The following DEPDC4 variants were observed in gnomAD, a reference collection of about 807,000 sequenced individuals.
The protein encoded by DEPDC4 is DEP domain containing 4.
Under a neutral mutation model 52.0 loss-of-function variants are expected in DEPDC4, and 52 were observed. The ratio of observed to expected loss-of-function variants is 1.00; its 90% CI spans 0.80 to 1.26. The LOEUF (loss-of-function observed/expected upper bound fraction) is 1.26, where lower values mean the gene tolerates loss of function less well. Ranked by LOEUF, DEPDC4 falls within the 50% of genes most tolerant of loss-of-function variation. The pLI is 0.00. For synonymous variants in DEPDC4, 201 were observed against 196.8 expected (o/e 1.02, Z -0.18); for missense variants, 530 against 546.9 (o/e 0.97, Z 0.31).
At chr12:100,243,896 A>G (rs2096171186) in intron 8 of DEPDC4, among the ~76,000 whole-genome samples, 1 of 151,624 alleles carries the variant, frequency 6.6e-6, no homozygotes, top group African/African-American at 2.4e-5. Context: ...CTTCCAATAC[A>G]TGGAACCCTC....
intron 8 of DEPDC4, among the ~76,000 whole-genome samples, chr12:100,244,091 C>G (rs781407206): frequency 0.094 from 3,308 of 35,012 alleles, 145 homozygotes; most frequent in African/African-American, 0.16. Flanking sequence ...CTCTCTCTCT[C>G]TGTGTATATA....
rs746742408 is a variant in DEPDC4, at chr12:100,252,507, C to T, written c.1135G>A (p.Ala379Thr). 1.2e-6 allele frequency: 2 copies of T among 1,606,168 alleles called. No homozygotes were observed. The highest frequency in any genetic ancestry group is 1.7e-6 in the Non-Finnish European group (2 of 1,178,562). The change falls in exon 6 of 10, where the codon GCA (alanine) becomes ACA (threonine). Residue 379 changes from alanine to threonine, a missense_variant. Coordinates refer to ENST00000550587, the MANE Select transcript of DEPDC4 (RefSeq NM_001364818.2). ...ENEKRAEALE[A>T]TQLYLRLLLL... ...AGCAATCTTAGATATAGTTGTGTTG[C>T]TTCAAGTGCTTCTGCTCTTTTCTCA...
At chr12:100,239,237 C>T (rs545173219), downstream of DEPDC4, among the ~76,000 whole-genome samples, 36 of 152,082 alleles carry the variant, frequency 2.4e-4, 1 homozygote, top group East Asian at 2.3e-3. Context: ...CCACCACACA[C>T]GCTAATTTTT....
chr12:100,241,802 C>A lies in DEPDC4; in HGVS notation c.*90G>T. On this transcript the variant is annotated 3_prime_UTR_variant, in exon 10 of 10. Coordinates refer to ENST00000550587, the MANE Select transcript of DEPDC4 (RefSeq NM_001364818.2). Reference sequence around the variant, plus strand: ...GATACTGAATTGTCCTTCCCTTCTGCTTTTCAAACTCCTTGTATGTCAAGG... The same window carrying A: ...GATACTGAATTGTCCTTCCCTTCTGATTTTCAAACTCCTTGTATGTCAAGG... The A allele has an allele frequency of 8.0e-7, 1 of 1,244,014 alleles. No homozygotes were observed. The highest frequency in any genetic ancestry group is 1.4e-5 in the South Asian group (1 of 71,888). The allele number at this position is 1,244,014 out of a possible 1,614,324, so 77.1% of individuals were successfully genotyped here. A position where few individuals can be genotyped will look rare whatever the true frequency, so the allele number is the denominator to read the frequency against.
At chr12:100,245,727 T>G (rs1002891664) in intron 8 of DEPDC4, among the ~76,000 whole-genome samples, 5 of 152,200 alleles carry the variant, frequency 3.3e-5, no homozygotes, top group African/African-American at 4.8e-5. Context: ...CAACCAGGAT[T>G]GCTTCCAGTC....
At chr12:100,274,820 G>C in the DEPDC4 span, among the ~76,000 whole-genome samples, 3,770 of 152,278 alleles carry the variant, frequency 0.025, 153 homozygotes, top group African/African-American at 0.085. Flanking sequence ...TTTGGAGAGC[G>C]ATAGGGCTTT....
downstream of DEPDC4, chr12:100,237,948 G>T: frequency 6.0e-6 from 2 of 335,954 alleles, no homozygotes; most frequent in Non-Finnish European, 8.4e-6. Flanking sequence ...CATTCATAGT[G>T]ATGACTAGCA....
At chr12:100,262,117 G>T in intron 3 of DEPDC4, 147 bp downstream of exon 3, 2 of 678,168 alleles carry the variant, frequency 2.9e-6, no homozygotes, top group Non-Finnish European at 4.8e-6. Flanking sequence ...TAATGGGGAA[G>T]GTTGTGTGTG....
At chr12:100,259,945 C>CT (rs563354954) in intron 3 of DEPDC4, among the ~76,000 whole-genome samples, 147 of 137,648 alleles carry the variant, frequency 1.1e-3, no homozygotes, top group Admixed American at 1.8e-3. Context: ...CCTCCTATGT[C>CT]TTTTTTTTTT....
At chr12:100,267,166 G>C, upstream of DEPDC4, 1 of 1,433,180 alleles carries the variant, frequency 7.0e-7, no homozygotes, top group Non-Finnish European at 9.5e-7. Flanking sequence ...CCCCCGGCCG[G>C]CAGGTCTTTT....
chr12:100,279,345 A>G, the DEPDC4 span, among the ~76,000 whole-genome samples: 1 of 152,206 alleles, frequency 6.6e-6, no homozygotes, highest in Admixed American at 6.5e-5. Context: ...TTAGGCAGTA[A>G]TGCTTGCTCG....
chr12:100,262,174 G>A (rs2096255730), intron 3 of DEPDC4, 90 bp downstream of exon 3: 1 of 1,302,686 alleles, frequency 7.7e-7, no homozygotes, highest in African/African-American at 1.5e-5. Flanking sequence ...GCTCTATTTT[G>A]CCGTGACCTT....
At chr12:100,275,938 CT>C in the DEPDC4 span, among the ~76,000 whole-genome samples, 1 of 151,968 alleles carries the variant, frequency 6.6e-6, no homozygotes, top group Non-Finnish European at 1.5e-5. Flanking sequence ...GATTATCTTG[CT>C]TTTTTTCATT....
rs1026676354 is a variant in DEPDC4, at chr12:100,240,707, A to G, written c.*1185T>C. On this transcript the variant is annotated 3_prime_UTR_variant, in exon 10 of 10. Transcript: ENST00000550587. ...AATATGGACTGAAGAAGAATTAGAG[A>G]GAGAAATCACAGTTTTGATGTTTAC... Among the ~76,000 whole-genome samples the G allele has an allele frequency of 2.0e-5, 3 of 152,232 alleles. No individual in the cohort carries two copies. The highest frequency in any genetic ancestry group is 6.5e-5 in the Admixed American group (1 of 15,282).
the DEPDC4 span, among the ~76,000 whole-genome samples, chr12:100,281,474 T>C: frequency 1.3e-5 from 2 of 152,066 alleles, no homozygotes; most frequent in African/African-American, 4.8e-5. Context: ...GAGGATCACT[T>C]GAGGCTAGGA....
intron 5 of DEPDC4, 141 bp from the exon 6 acceptor site, chr12:100,252,677 G>A: frequency 2.7e-6 from 2 of 728,334 alleles, no homozygotes; most frequent in Non-Finnish European, 4.1e-6. Flanking sequence ...TTTTTATTAT[G>A]GAATATTTCA....
rs773847545 is a variant in DEPDC4, at chr12:100,252,453, G to A, written c.1189C>T (p.Arg397Trp). The A allele has an allele frequency of 1.4e-5, 22 of 1,604,814 alleles. No homozygotes were observed. Among genetic ancestry groups the A allele is most frequent in the Admixed American group, 1.2e-4 (7 of 59,846 alleles). The change falls in exon 6 of 10, where the codon CGG (arginine) becomes TGG (tryptophan). Residue 397 changes from arginine to tryptophan, a missense_variant. By Grantham distance (101) the Arg-to-Trp change is moderately radical. Transcript: ENST00000550587. Reference sequence around the variant, plus strand: ...GCCATTGCCATAAAAGTAAGTAGCCGTCGTAATTCTTCTCTAATGTTCAGC... The same window carrying A: ...GCCATTGCCATAAAAGTAAGTAGCCATCGTAATTCTTCTCTAATGTTCAGC... ...LLLNIREELR[R>W]LLTFMAMASE...
intron 5 of DEPDC4, 120 bp from the exon 6 acceptor site, chr12:100,252,656 A>C: frequency 1.0e-6 from 1 of 962,116 alleles, no homozygotes; most frequent in Non-Finnish European, 1.5e-6. Flanking sequence ...GTTCTTTTCT[A>C]CAATTAAAAT....
chr12:100,245,634 A>G (rs575515082), intron 8 of DEPDC4, among the ~76,000 whole-genome samples: 107 of 152,258 alleles, frequency 7.0e-4, no homozygotes, highest in African/African-American at 2.4e-3. Flanking sequence ...ATATTTCTCA[A>G]ACTGTTCCTT....
Sources: gnomAD v4.1 joint callset for allele counts (sites outside exome capture counted in the v4.1 genomes callset) on GRCh38, gnomAD v4.1.1 for gene constraint, MANE v1.5 for transcripts, NCBI Gene and HGNC (gene_info 2026-07-23, HGNC 2026-07-21) for gene names.